DGKZ: variants seen among roughly 807,000 people sequenced by gnomAD.
The protein encoded by DGKZ is DAG kinase zeta.
Under a neutral mutation model 142.5 loss-of-function variants are expected in DGKZ, and 45 were observed. That is an observed-to-expected ratio of 0.32 (90% CI 0.25 to 0.40). DGKZ has a LOEUF of 0.40. DGKZ is among the 10% of genes least tolerant of loss of function. The probability of loss-of-function intolerance (pLI) is 1.00; values close to 1 mark genes in which losing one functional copy is unlikely to be tolerated. For synonymous variants in DGKZ, 442 were observed against 527.0 expected (o/e 0.84, Z 2.21); for missense variants, 755 against 1,306.5 (o/e 0.58, Z 6.51).
chr11:46,351,429 C>T (rs1941365426), intron 1 of DGKZ, among the ~76,000 whole-genome samples: 2 of 152,326 alleles, frequency 1.3e-5, no homozygotes, highest in East Asian at 3.9e-4. Flanking sequence ...GAGGCACTGC[C>T]ACACGGCCCC....
At chr11:46,332,930 G>T in exon 1 of DGKZ, 1 of 215,908 alleles carries the variant, frequency 4.6e-6, no homozygotes, top group Non-Finnish European at 9.1e-6. Flanking sequence ...GGTGACACTC[G>T]GGTGCGCGGC....
At chr11:46,378,572 G>A in intron 27 of DGKZ, 72 bp downstream of exon 27, 4 of 1,602,708 alleles carry the variant, frequency 2.5e-6, no homozygotes, top group Non-Finnish European at 2.6e-6. Flanking sequence ...CCTCTGGGTT[G>A]GGCCAAGAGC....
intron 1 of DGKZ, among the ~76,000 whole-genome samples, chr11:46,352,190 C>A (rs1489535395): frequency 6.6e-6 from 1 of 152,210 alleles, no homozygotes; most frequent in East Asian, 1.9e-4. Flanking sequence ...CCGCGCGGGC[C>A]CCTCGGAGAA....
In DGKZ at chr11:46,370,022, GC is replaced by G; in HGVS notation, c.570+16del. The G allele has an allele frequency of 6.2e-7, 1 of 1,613,522 alleles. No homozygotes were observed. The highest frequency in any genetic ancestry group is 2.2e-5 in the East Asian group (1 of 44,888). ...GCACTGTGGGAAGGTGAGAGGCCCTGCCCGAGGACATCGCCACCTGCACCTG... is the reference window on the plus strand; with the variant it reads ...GCACTGTGGGAAGGTGAGAGGCCCTGCCGAGGACATCGCCACCTGCACCTG... On this transcript the variant is annotated intron_variant, in intron 6 of 30. Transcript: ENST00000527911.
intron 1 of DGKZ, among the ~76,000 whole-genome samples, chr11:46,356,629 G>A (rs1399269509): frequency 6.6e-6 from 1 of 152,148 alleles, no homozygotes; most frequent in Non-Finnish European, 1.5e-5. Flanking sequence ...GTGGTGCCAC[G>A]TGGAAAAGGG....
intron 1 of DGKZ, chr11:46,366,268 C>G (rs758146019): frequency 1.2e-5 from 19 of 1,581,146 alleles, no homozygotes; most frequent in Non-Finnish European, 9.4e-6. Context: ...TGGAGACTTT[C>G]TTTAGGAGAC....
exon 1 of DGKZ, chr11:46,333,158 G>A (rs1182370335): frequency 7.6e-6 from 7 of 920,700 alleles, no homozygotes; most frequent in Non-Finnish European, 9.9e-6. Flanking sequence ...AGGGACCTGC[G>A]GAACCCGGCG....
intron 1 of DGKZ, among the ~76,000 whole-genome samples, chr11:46,337,876 G>T (rs1006652921): frequency 6.6e-6 from 1 of 152,108 alleles, no homozygotes; most frequent in African/African-American, 2.4e-5. Context: ...GTTCTGTTTT[G>T]GCCCCAGAAG....
chr11:46,337,955 AAT>A (rs2136376908), intron 1 of DGKZ, among the ~76,000 whole-genome samples: 1 of 152,264 alleles, frequency 6.6e-6, no homozygotes, highest in Admixed American at 6.5e-5. Flanking sequence ...CTGAGATGGA[AAT>A]ATGGGAAACA....
In DGKZ at chr11:46,367,814, G is replaced by T. The variant is rs758918247; in HGVS notation, c.366+67G>T. On this transcript the variant is annotated intron_variant, in intron 3 of 30. Transcript: ENST00000527911. The surrounding 1 kb of genome is among the most constrained non-coding windows in gnomAD (Gnocchi z 4.1). ...CAGTAGCCGCAGCCCTTCCGGGAAC[G>T]TGGGATTGAGCCCGCTCCCTGGCAC... The T allele has an allele frequency of 1.3e-6, 2 of 1,594,120 alleles. No individual in the cohort carries two copies. The highest frequency in any genetic ancestry group is 2.2e-5 in the South Asian group (2 of 90,458).
chr11:46,341,978 G>A (rs1018515289), intron 1 of DGKZ, among the ~76,000 whole-genome samples: 3 of 152,200 alleles, frequency 2.0e-5, no homozygotes, highest in Non-Finnish European at 4.4e-5. Flanking sequence ...GAGGCTGGCT[G>A]GGCGGGTTTT....
rs752540854 is a variant in DGKZ at position 46,374,147 on chromosome 11, C to A, written c.1327-10C>A. Reference sequence around the variant, plus strand: ...CCAGCCCTCATTTTGGTCCCTTGACCTTTTTCCAGTTGCCCCTGGATGTCT... The same window carrying A: ...CCAGCCCTCATTTTGGTCCCTTGACATTTTTCCAGTTGCCCCTGGATGTCT... On this transcript the variant is annotated splice_polypyrimidine_tract_variant and intron_variant, in intron 14 of 30. Coordinates refer to ENST00000527911, the Ensembl canonical transcript of DGKZ. 3.1e-6 allele frequency: 5 copies of A among 1,614,020 alleles called. No homozygotes were observed. The Admixed American group carries it at 5.0e-5, about 16-fold the overall frequency.
chr11:46,352,109 T>C (rs748863616), intron 1 of DGKZ, among the ~76,000 whole-genome samples: 2 of 152,158 alleles, frequency 1.3e-5, no homozygotes, highest in African/African-American at 4.8e-5. Flanking sequence ...TGGAGGCCTC[T>C]CCAGAATTCG....
At chr11:46,370,157 C>T (rs921402188) in intron 6 of DGKZ, 148 bp downstream of exon 6, 2 of 924,308 alleles carry the variant, frequency 2.2e-6, no homozygotes, top group African/African-American at 3.3e-5. Flanking sequence ...GCCTTCAGTT[C>T]TCAAGCACCC....
chr11:46,349,134 G>T (rs915003225), intron 1 of DGKZ, among the ~76,000 whole-genome samples: 1 of 152,196 alleles, frequency 6.6e-6, no homozygotes, highest in Non-Finnish European at 1.5e-5. Flanking sequence ...CTCTGTCTCT[G>T]AGCACATGCA....
At chr11:46,362,299 A>G (rs1942751775) in intron 1 of DGKZ, among the ~76,000 whole-genome samples, 1 of 152,070 alleles carries the variant, frequency 6.6e-6, no homozygotes, top group Non-Finnish European at 1.5e-5. Context: ...AGAGCAACTC[A>G]GGGGGCCAGG....
chr11:46,375,643 C>T lies in DGKZ; in HGVS notation c.1910+12C>T, dbSNP rs780773606. On this transcript the variant is annotated intron_variant, in intron 20 of 30. Transcript: ENST00000527911. ...CCCCTGCACAGCGAGTACGTCCCAC[C>T]CTGCCACGTGCCCTGGGTGCCAAGG... is the stretch of plus-strand genomic sequence containing the variant. 8 of 1,546,704 alleles carry T rather than the reference C, an allele frequency of 5.2e-6. No individual in the cohort carries two copies. The highest frequency in any genetic ancestry group is 1.9e-5 in the Admixed American group (1 of 52,644).
chr11:46,344,747 C>A (rs1033747029), upstream of DGKZ, among the ~76,000 whole-genome samples: 1 of 152,206 alleles, frequency 6.6e-6, no homozygotes, highest in Non-Finnish European at 1.5e-5. Flanking sequence ...AGCCACCATG[C>A]CTGGCCTATT....
chr11:46,341,739 G>A (rs1018544426), intron 1 of DGKZ, among the ~76,000 whole-genome samples: 1 of 152,142 alleles, frequency 6.6e-6, no homozygotes, highest in African/African-American at 2.4e-5. Context: ...AAATACTCAG[G>A]GAAGACAACC....
Sources: allele counts gnomAD v4.1 joint callset (sites outside exome capture counted in the v4.1 genomes callset), GRCh38; gene constraint gnomAD v4.1.1; non-coding constraint Gnocchi (gnomAD v3.1); transcripts MANE v1.5; gene names NCBI Gene and HGNC (gene_info 2026-07-23, HGNC 2026-07-21).